RARB: variants seen among roughly 807,000 people sequenced by gnomAD.
RARB encodes the protein HBV-activated protein.
Under a neutral mutation model 51.9 loss-of-function variants are expected in RARB, and 17 were observed. That is an observed-to-expected ratio of 0.33 (90% CI 0.22 to 0.49). The LOEUF (loss-of-function observed/expected upper bound fraction) is 0.49, where lower values mean the gene tolerates loss of function less well. Ranked by LOEUF, RARB falls within the 20% of genes least tolerant of loss-of-function variation. RARB has a pLI of 0.99. For synonymous variants in RARB, 215 were observed against 195.4 expected, an observed-to-expected ratio of 1.10 and a Z score of -0.84; for missense variants, 369 against 550.8, an observed-to-expected ratio of 0.67 and a Z score of 3.30.
chr3:25,204,721 C>T (rs1701489995), intron 5 of RARB, among the ~76,000 whole-genome samples: 1 of 152,182 alleles, frequency 6.6e-6, no homozygotes, highest in Non-Finnish European at 1.5e-5. Flanking sequence ...GTATCAGCAG[C>T]AGAGGCTGCA....
At chr3:25,406,767 C>A (rs1459217227) in intron 5 of RARB, among the ~76,000 whole-genome samples, 1 of 152,184 alleles carries the variant, frequency 6.6e-6, no homozygotes, top group Non-Finnish European at 1.5e-5. Context: ...CCAGATCAGG[C>A]ACAGTATCGA....
chr3:25,545,325 A>T (rs1699576582), intron 3 of RARB, among the ~76,000 whole-genome samples: 4 of 152,130 alleles, frequency 2.6e-5, no homozygotes, highest in African/African-American at 9.7e-5. Flanking sequence ...CTACTGAACC[A>T]CAAGGAAGCT....
At chr3:25,376,994 TC>T (rs1230705415) in intron 5 of RARB, among the ~76,000 whole-genome samples, 1 of 152,164 alleles carries the variant, frequency 6.6e-6, no homozygotes, top group African/African-American at 2.4e-5. Context: ...GCTTTGTTTT[TC>T]TTCTTTCAAT....
intron 4 of RARB, among the ~76,000 whole-genome samples, chr3:25,140,051 G>T (rs1010481001): frequency 6.6e-6 from 1 of 151,728 alleles, no homozygotes; most frequent in Non-Finnish European, 1.5e-5. Context: ...AATGCACCTG[G>T]TCACTCAAGA....
chr3:24,894,817 T>C (rs927926309), intron 2 of RARB, among the ~76,000 whole-genome samples: 1 of 152,206 alleles, frequency 6.6e-6, no homozygotes, highest in African/African-American at 2.4e-5. Context: ...GAAGATGTAG[T>C]ACTTGCCCTC....
intron 4 of RARB, among the ~76,000 whole-genome samples, chr3:25,155,276 T>A (rs771545959): frequency 1.3e-5 from 2 of 152,342 alleles, no homozygotes; most frequent in Non-Finnish European, 2.9e-5. Flanking sequence ...CTTTTAGAAC[T>A]AATTCTCTTC....
intron 4 of RARB, among the ~76,000 whole-genome samples, chr3:25,136,304 A>T (rs926692227): frequency 6.6e-6 from 1 of 152,020 alleles, no homozygotes; most frequent in African/African-American, 2.4e-5. Flanking sequence ...GCTAGGACAC[A>T]TATGGATAAG....
chr3:25,022,063 A>G (rs17015603), intron 2 of RARB, among the ~76,000 whole-genome samples: 1,840 of 152,302 alleles, frequency 0.012, 46 homozygotes, highest in East Asian at 0.089. Flanking sequence ...GTAAAATCCT[A>G]AGAGAGATAA....
intron 2 of RARB, among the ~76,000 whole-genome samples, chr3:25,004,835 T>C (rs1697236638): frequency 6.6e-6 from 1 of 152,146 alleles, no homozygotes; most frequent in South Asian, 2.1e-4. Context: ...GTAGCATTTT[T>C]TTAAGTTTTA....
chr3:24,969,242 A>G (rs1206656240), intron 2 of RARB, among the ~76,000 whole-genome samples: 1 of 152,100 alleles, frequency 6.6e-6, no homozygotes, highest in African/African-American at 2.4e-5. Context: ...TAAAAAGAAT[A>G]CAGCAAAAGT....
At chr3:25,315,576 A>G (rs1559354511) in intron 5 of RARB, among the ~76,000 whole-genome samples, 1 of 152,030 alleles carries the variant, frequency 6.6e-6, no homozygotes, top group African/African-American at 2.4e-5. Flanking sequence ...GGATAAGACC[A>G]TTTACTTCTC....
intron 2 of RARB, among the ~76,000 whole-genome samples, chr3:25,015,449 G>T (rs546319165): frequency 6.6e-6 from 1 of 152,236 alleles, no homozygotes; most frequent in Non-Finnish European, 1.5e-5. Flanking sequence ...GAATCCTGTT[G>T]TCTTCAGAGT....
At chr3:24,879,064 A>G (rs796297054) in intron 2 of RARB, among the ~76,000 whole-genome samples, 26 of 151,964 alleles carry the variant, frequency 1.7e-4, no homozygotes, top group African/African-American at 5.6e-4. Flanking sequence ...TATGTTTTAT[A>G]TATTTTTTTT....
intron 7 of RARB, among the ~76,000 whole-genome samples, chr3:25,596,063 G>C (rs186028380): frequency 9.9e-5 from 15 of 152,152 alleles, no homozygotes; most frequent in Non-Finnish European, 2.2e-4. Flanking sequence ...ATCAGTTATT[G>C]CTTGCATAAA....
At chr3:25,153,430 GC>G (rs1263141100) in intron 4 of RARB, among the ~76,000 whole-genome samples, 1 of 152,110 alleles carries the variant, frequency 6.6e-6, no homozygotes, top group East Asian at 1.9e-4. Context: ...TCGAGTTACC[GC>G]CATAAAGTAC....
chr3:25,176,028 C>A (rs910854365), intron 5 of RARB, among the ~76,000 whole-genome samples: 15 of 152,118 alleles, frequency 9.9e-5, no homozygotes, highest in African/African-American at 3.1e-4. Flanking sequence ...ATTGATAAAG[C>A]CATTAAAATT....
intron 5 of RARB, among the ~76,000 whole-genome samples, chr3:25,205,660 C>G (rs1374016068): frequency 6.6e-6 from 1 of 151,778 alleles, no homozygotes; most frequent in South Asian, 2.1e-4. Context: ...ACTGTATGCC[C>G]ATATCAAAAT....
intron 2 of RARB, among the ~76,000 whole-genome samples, chr3:25,011,162 C>T (rs1697386492): frequency 6.6e-6 from 1 of 151,958 alleles, no homozygotes; most frequent in Admixed American, 6.6e-5. Context: ...GACAGAAATC[C>T]CTGCTTTTAT....
intron 5 of RARB, among the ~76,000 whole-genome samples, chr3:25,300,400 C>T (rs1704013087): frequency 6.6e-6 from 1 of 152,148 alleles, no homozygotes; most frequent in Admixed American, 6.5e-5. Flanking sequence ...TTAATAGAGA[C>T]AATCTAGTCT....
Sources: gnomAD v4.1 joint callset for allele counts (sites outside exome capture counted in the v4.1 genomes callset) on GRCh38, gnomAD v4.1.1 for gene constraint, MANE v1.5 for transcripts, NCBI Gene and HGNC (gene_info 2026-07-23, HGNC 2026-07-21) for gene names.